The following MACROD2 variants were observed in gnomAD, a reference collection of about 807,000 sequenced individuals.
The protein encoded by MACROD2 is mono-ADP ribosylhydrolase 2, also known as ADP-ribose glycohydrolase MACROD2.
In MACROD2, 36 loss-of-function variants were observed where a neutral mutation model predicts 70.4. The observed-to-expected ratio is 0.51, with a 90% confidence interval of 0.39 to 0.68. MACROD2 has a LOEUF of 0.68. Ranked by LOEUF, MACROD2 falls within the 30% of genes least tolerant of loss-of-function variation. The pLI, the probability that MACROD2 is intolerant of heterozygous loss-of-function variation, is 0.00. For missense variants in MACROD2, 496 were observed against 538.4 expected (o/e 0.92, Z 0.78); for synonymous variants, 172 against 178.8 (o/e 0.96, Z 0.30).
chr20:15,561,123 G>C (rs1221143161), intron 8 of MACROD2, among the ~76,000 whole-genome samples: 1 of 152,152 alleles, frequency 6.6e-6, no homozygotes, highest in Non-Finnish European at 1.5e-5. Context: ...AGTGAGTATT[G>C]TAAGAGAACG....
chr20:15,235,362 AT>A (rs893046175), intron 6 of MACROD2, among the ~76,000 whole-genome samples: 3 of 152,154 alleles, frequency 2.0e-5, no homozygotes, highest in Non-Finnish European at 4.4e-5. Context: ...ATGCTAGATG[AT>A]TTTTTTGAAT....
intron 5 of MACROD2, among the ~76,000 whole-genome samples, chr20:14,946,217 A>G (rs115157690): frequency 0.014 from 2,142 of 151,932 alleles, 56 homozygotes; most frequent in African/African-American, 0.048. Context: ...AAAAAATTGT[A>G]TAAACTGGAA....
chr20:15,989,476 A>G (rs1463808194), intron 15 of MACROD2, among the ~76,000 whole-genome samples: 2 of 152,216 alleles, frequency 1.3e-5, no homozygotes, highest in Admixed American at 1.3e-4. Flanking sequence ...TCAATCTTCC[A>G]TTTGAGAAAT....
chr20:14,660,401 A>G (rs1295385063), intron 4 of MACROD2, among the ~76,000 whole-genome samples: 1 of 152,216 alleles, frequency 6.6e-6, no homozygotes, highest in African/African-American at 2.4e-5. Context: ...AATACTTTGA[A>G]GTGTTTCAGT....
chr20:14,691,111 T>A (rs2071058430), intron 5 of MACROD2, among the ~76,000 whole-genome samples: 1 of 152,034 alleles, frequency 6.6e-6, no homozygotes, highest in South Asian at 2.1e-4. Context: ...AGAGCTGGGG[T>A]TTCGCCATGT....
chr20:15,366,046 A>AT (rs2045404417), intron 6 of MACROD2, among the ~76,000 whole-genome samples: 1 of 152,350 alleles, frequency 6.6e-6, no homozygotes, highest in South Asian at 2.1e-4. Flanking sequence ...GGAATGTAAG[A>AT]TGATGACTGA....
chr20:14,887,461 C>T (rs1194265371), intron 5 of MACROD2, among the ~76,000 whole-genome samples: 1 of 149,722 alleles, frequency 6.7e-6, no homozygotes, highest in Non-Finnish European at 1.5e-5. Context: ...GGCATGATGT[C>T]GGCTCAGTGC....
At chr20:14,154,543 G>A (rs949563944) in intron 3 of MACROD2, among the ~76,000 whole-genome samples, 3 of 147,998 alleles carry the variant, frequency 2.0e-5, no homozygotes, top group Admixed American at 1.4e-4. Flanking sequence ...CCGCCACTAC[G>A]CCCGGCTAAT....
In MACROD2 at chr20:15,672,966, CTT is replaced by C. The variant is rs2050002599; in HGVS notation, c.645+173123_645+173124del. Among the ~76,000 whole-genome samples, 3 of 152,274 alleles carry C rather than the reference CTT, an allele frequency of 2.0e-5. No homozygotes were observed. In the South Asian group the frequency reaches 6.2e-4, roughly 32 times the overall value. On this transcript the variant is annotated intron_variant, in intron 8 of 17. Transcript: ENST00000684519. ...AAGGTGAGTTCCCTGCACAAGTTCT[CTT>C]TTTGCCTGTCACCATGTAAGACATG...
At chr20:15,963,901 C>T (rs539139705) in intron 12 of MACROD2, among the ~76,000 whole-genome samples, 10 of 152,196 alleles carry the variant, frequency 6.6e-5, no homozygotes, top group African/African-American at 2.4e-4. Flanking sequence ...CATCTATCTA[C>T]AGCCCTTTGG....
chr20:15,112,727 C>T (rs538261783), intron 5 of MACROD2, among the ~76,000 whole-genome samples: 2 of 152,268 alleles, frequency 1.3e-5, no homozygotes, highest in South Asian at 2.1e-4. Flanking sequence ...CGGCCACCAC[C>T]ATCTGTCTCT....
chr20:15,171,860 C>T (rs1244730348), intron 5 of MACROD2, among the ~76,000 whole-genome samples: 1 of 152,160 alleles, frequency 6.6e-6, no homozygotes, highest in Non-Finnish European at 1.5e-5. Context: ...TCTAAGTTCC[C>T]TGAAGACTGG....
At chr20:15,821,877 C>T (rs1040108964) in intron 8 of MACROD2, among the ~76,000 whole-genome samples, 3 of 151,912 alleles carry the variant, frequency 2.0e-5, no homozygotes, top group Non-Finnish European at 2.9e-5. Flanking sequence ...CTGTGGATAC[C>T]GAGGGACGAC....
chr20:15,780,334 T>A (rs1400507517), intron 8 of MACROD2, among the ~76,000 whole-genome samples: 1 of 152,158 alleles, frequency 6.6e-6, no homozygotes, highest in African/African-American at 2.4e-5. Context: ...ACTAGTCTGG[T>A]ATGTTCTCTC....
intron 4 of MACROD2, among the ~76,000 whole-genome samples, chr20:14,564,338 T>C (rs566455601): frequency 1.7e-3 from 263 of 151,104 alleles, no homozygotes; most frequent in African/African-American, 6.0e-3. Flanking sequence ...AAAACGAAAA[T>C]AGAAAAATTA....
intron 9 of MACROD2, among the ~76,000 whole-genome samples, chr20:15,871,484 A>G (rs1261006314): frequency 6.6e-6 from 1 of 152,214 alleles, no homozygotes; most frequent in Non-Finnish European, 1.5e-5. Flanking sequence ...GCTACATTGA[A>G]GGTACTGTTC....
At position 14,998,288 on chromosome 20, in the gene MACROD2, C is replaced by G. The variant is rs141132141; in HGVS notation, c.419-231652C>G. 6.8e-4 allele frequency among the ~76,000 whole-genome samples: 104 copies of G among 152,152 alleles called. 1 individual carries two copies. Among genetic ancestry groups the G allele is most frequent in the African/African-American group, 2.4e-3 (101 of 41,512 alleles). On this transcript the variant is annotated intron_variant, in intron 5 of 17. Transcript: ENST00000684519. ...ATGCACTAAATAAGGCACCAGTGACCAATACTGGAGTGACAGTGATATGTG... is the reference window on the plus strand; with the variant it reads ...ATGCACTAAATAAGGCACCAGTGACGAATACTGGAGTGACAGTGATATGTG...
At chr20:15,115,206 T>A (rs1231146696) in intron 5 of MACROD2, among the ~76,000 whole-genome samples, 2 of 152,118 alleles carry the variant, frequency 1.3e-5, no homozygotes, top group Admixed American at 6.6e-5. Context: ...TTTGTCTCTC[T>A]GGGTTGTATT....
At chr20:15,278,250 T>C (rs2077411043) in intron 6 of MACROD2, among the ~76,000 whole-genome samples, 1 of 152,146 alleles carries the variant, frequency 6.6e-6, no homozygotes, top group Non-Finnish European at 1.5e-5. Flanking sequence ...TAGGGATAGG[T>C]TATGAGGAAG....
Sources: allele counts gnomAD v4.1 joint callset (sites outside exome capture counted in the v4.1 genomes callset), GRCh38; gene constraint gnomAD v4.1.1; transcripts MANE v1.5; gene names NCBI Gene and HGNC (gene_info 2026-07-23, HGNC 2026-07-21).